LGR5: variants seen among roughly 807,000 people sequenced by gnomAD.
LGR5 encodes leucine rich repeat containing G protein-coupled receptor 5.
A neutral mutation model predicts 76.7 loss-of-function variants in LGR5; 54 were observed. The ratio of observed to expected loss-of-function variants is 0.70; its 90% CI spans 0.57 to 0.88. The LOEUF (loss-of-function observed/expected upper bound fraction) is 0.88, where lower values mean the gene tolerates loss of function less well. Ranked by LOEUF, LGR5 falls within the 40% of genes least tolerant of loss-of-function variation. The pLI is 0.00. For synonymous variants in LGR5, 406 were observed against 421.9 expected, an observed-to-expected ratio of 0.96 and a Z score of 0.46; for missense variants, 1,078 against 1,073.3, an observed-to-expected ratio of 1.00 and a Z score of -0.06.
At chr12:71,481,166 T>A (rs1347559636) in intron 1 of LGR5, among the ~76,000 whole-genome samples, 1 of 152,154 alleles carries the variant, frequency 6.6e-6, no homozygotes, top group African/African-American at 2.4e-5. Context: ...GCCATGGTGG[T>A]TTGCTGCACC....
chr12:71,446,082 C>T (rs947074568), intron 1 of LGR5, among the ~76,000 whole-genome samples: 1 of 152,094 alleles, frequency 6.6e-6, no homozygotes, highest in South Asian at 2.1e-4. Flanking sequence ...GTGCCCATAC[C>T]AATGCCTGGC....
intron 11 of LGR5, among the ~76,000 whole-genome samples, chr12:71,568,865 G>A (rs772114883): frequency 2.0e-5 from 3 of 152,158 alleles, no homozygotes; most frequent in Non-Finnish European, 4.4e-5. Flanking sequence ...ATGTGCATGG[G>A]AATTATTTAG....
chr12:71,492,787 G>GTTACAGCAAGTATGTTTTACTTCTAATTC (rs1565688545), intron 1 of LGR5, among the ~76,000 whole-genome samples: 17 of 145,782 alleles, frequency 1.2e-4, no homozygotes, highest in African/African-American at 4.2e-4. Context: ...TCTTGATTTT[G>GTTACAGCAAGTATGTTTTACTTCTAATTC]AGTTATGATA....
intron 11 of LGR5, 21 bp from the exon 12 acceptor site, chr12:71,571,493 T>C: frequency 6.3e-7 from 1 of 1,586,692 alleles, no homozygotes; most frequent in South Asian, 1.1e-5. Context: ...ATTTTCCCTT[T>C]TTGCACCTTC....
chr12:71,580,491 G>A (rs1418651159), intron 16 of LGR5, 68 bp downstream of exon 16: 3 of 1,511,696 alleles, frequency 2.0e-6, no homozygotes, highest in Admixed American at 1.8e-5. Flanking sequence ...AATGAATTAT[G>A]TTTGATGAAA....
Position 71,584,353 on chromosome 12 carries a change from T to G in LGR5, c.2343T>G (p.Pro781=). The G allele has an allele frequency of 1.2e-6, 2 of 1,614,252 alleles. No individual in the cohort carries two copies. The highest frequency in any genetic ancestry group is 1.7e-6 in the Non-Finnish European group (2 of 1,180,032). Residue 781 remains proline (P), a synonymous_variant, in exon 18 of 18, where the codon CCT becomes CCG. Transcript: ENST00000266674. ...TCACCAACTGCATCCTAAACTGCCCTGTGGCTTTCTTGTCCTTCTCCTCTT... is the reference window on the plus strand; with the variant it reads ...TCACCAACTGCATCCTAAACTGCCCGGTGGCTTTCTTGTCCTTCTCCTCTT... The part of the protein sequence containing the change: ...LLFTNCILNC[P]VAFLSFSSLI...
intron 2 of LGR5, among the ~76,000 whole-genome samples, chr12:71,513,042 C>T (rs1875242671): frequency 6.6e-6 from 1 of 152,102 alleles, no homozygotes; most frequent in Non-Finnish European, 1.5e-5. Context: ...ATGCAGATTT[C>T]CAAGTCCTTC....
rs750585060 is a variant in LGR5, at chr12:71,553,088, C to T, written c.444C>T (p.Asn148=). ...RSLQSLRLDA[N]HISYVPPSCF... is the part of the protein sequence containing the mutation. ...TCTTCCACAGGCGTCTGGATGCTAA[C>T]CACATCAGCTATGTGCCCCCAAGCT... Residue 148 remains asparagine (N), a synonymous_variant, in exon 5 of 18, where the codon AAC becomes AAT. Transcript: ENST00000266674. 6.2e-6 allele frequency: 10 copies of T among 1,613,978 alleles called. No individual in the cohort carries two copies. Among genetic ancestry groups the T allele is most frequent in the Non-Finnish European group, 8.5e-6 (10 of 1,179,970 alleles).
rs367734838 is a variant in LGR5, at chr12:71,556,618, G to T, written c.645-1G>T. On this transcript the variant is annotated splice_acceptor_variant, in intron 5 of 17. Transcript: ENST00000266674. LOFTEE classifies it high-confidence loss of function. ...TAACTATCTGTAATGTTCTACTGCA[G>T]ACATCTCCATAACAATAGAATCCAC... 6.2e-7 allele frequency: 1 copy of T among 1,600,540 alleles called. No homozygotes were observed. Among genetic ancestry groups the T allele is most frequent in the Non-Finnish European group, 8.6e-7 (1 of 1,167,670 alleles).
rs138934539 is a variant in LGR5 at position 71,569,404 on chromosome 12, T to C, written c.1071-2110T>C. Among the ~76,000 whole-genome samples, 1,094 of 152,338 alleles carry C rather than the reference T, an allele frequency of 7.2e-3. 5 individuals are homozygous for C. Among genetic ancestry groups the C allele is most frequent in the Middle Eastern group, 0.017 (5 of 294 alleles). The stretch of plus-strand genomic sequence containing the variant: ...AGAATAGGAGAAAATTTTTGCAATC[T>C]ATCCATCTGCCAAGGGGCTAATATC... On this transcript the variant is annotated intron_variant, in intron 11 of 17. Transcript: ENST00000266674.
At chr12:71,448,084 A>ACACACACACACACACACACAC (rs1872091735) in intron 1 of LGR5, among the ~76,000 whole-genome samples, 2 of 145,584 alleles carry the variant, frequency 1.4e-5, no homozygotes, top group African/African-American at 2.5e-5. Flanking sequence ...CACACACACA[A>ACACACACACACACACACACAC]ACACACACAC....
intron 1 of LGR5, among the ~76,000 whole-genome samples, chr12:71,462,410 T>A (rs985196812): frequency 4.6e-5 from 7 of 152,194 alleles, no homozygotes; most frequent in Admixed American, 4.6e-4. Flanking sequence ...ATGCTAAGAT[T>A]TGACCTTTCT....
At chr12:71,448,176 T>C (rs75245159) in intron 1 of LGR5, among the ~76,000 whole-genome samples, 3,656 of 151,972 alleles carry the variant, frequency 0.024, 153 homozygotes, top group African/African-American at 0.084. Context: ...GAAAATAACC[T>C]TAGAATTTTT....
At chr12:71,556,336 C>CCCAAAGTTTTTCAA (rs1877760793) in intron 5 of LGR5, among the ~76,000 whole-genome samples, 1 of 145,192 alleles carries the variant, frequency 6.9e-6, no homozygotes, top group South Asian at 2.1e-4. Flanking sequence ...AAAAAAAAAA[C>CCCAAAGTTTTTCAA]AGCCTTGAAA....
intron 1 of LGR5, among the ~76,000 whole-genome samples, chr12:71,450,344 G>A (rs1872196223): frequency 1.3e-5 from 2 of 152,104 alleles, no homozygotes; most frequent in South Asian, 2.1e-4. Context: ...TTGATCCACT[G>A]TAAATACAGA....
intron 4 of LGR5, among the ~76,000 whole-genome samples, chr12:71,536,556 A>C (rs1876596395): frequency 6.6e-6 from 1 of 152,244 alleles, no homozygotes; most frequent in Non-Finnish European, 1.5e-5. Context: ...GAAGGAAAGA[A>C]GAAACAGCTG....
chr12:71,472,034 A>G (rs1873126178), intron 1 of LGR5, among the ~76,000 whole-genome samples: 2 of 152,210 alleles, frequency 1.3e-5, no homozygotes, highest in Non-Finnish European at 2.9e-5. Context: ...ATAAAAGACG[A>G]CACATTGGGT....
chr12:71,573,147 T>C (rs1878691445), intron 13 of LGR5: 1 of 391,004 alleles, frequency 2.6e-6, no homozygotes, highest in Non-Finnish European at 4.6e-6. Flanking sequence ...GAAGTTTTAA[T>C]GAAGAGGAAG....
intron 1 of LGR5, among the ~76,000 whole-genome samples, chr12:71,470,386 T>C (rs1003768622): frequency 2.0e-5 from 3 of 152,320 alleles, no homozygotes; most frequent in African/African-American, 4.8e-5. Context: ...TCATTGTATG[T>C]ACTTTAACAG....
Sources: allele counts gnomAD v4.1 joint callset (sites outside exome capture counted in the v4.1 genomes callset), GRCh38; gene constraint gnomAD v4.1.1; transcripts MANE v1.5; gene names NCBI Gene and HGNC (gene_info 2026-07-23, HGNC 2026-07-21).